WIPI2: variants seen among roughly 807,000 people sequenced by gnomAD.
WIPI2 encodes the protein WD repeat domain, phosphoinositide interacting 2.
In WIPI2, 28 loss-of-function variants were observed where a neutral mutation model predicts 52.3. That is an observed-to-expected ratio of 0.54 (90% CI 0.40 to 0.73). The LOEUF is 0.73. WIPI2 is among the 30% of genes least tolerant of loss of function. WIPI2 has a pLI of 0.00. For synonymous variants in WIPI2, 268 were observed against 245.0 expected (o/e 1.09, Z -0.88); for missense variants, 506 against 602.9 (o/e 0.84, Z 1.68).
chr7:5,227,404 C>G lies in WIPI2; in HGVS notation c.1013+60C>G. On this transcript the variant is annotated intron_variant, in intron 10 of 12. Transcript: ENST00000288828. The surrounding 1 kb of genome is among the most constrained non-coding windows in gnomAD (Gnocchi z 8.1). ...TGTGCCTCAGGCCGAGGGGCCCAGT[C>G]CTGGCGGCTTGTGGCCCCTTCCGTG... 2 of 1,582,242 alleles carry G rather than the reference C, an allele frequency of 1.3e-6. No homozygotes were observed. Among genetic ancestry groups the G allele is most frequent in the Non-Finnish European group, 1.7e-6 (2 of 1,167,542 alleles).
At position 5,232,394 on chromosome 7, in the gene WIPI2, C is replaced by T. The variant is rs371037715; in HGVS notation, c.*1447C>T. 44 of 398,322 alleles carry T rather than the reference C, an allele frequency of 1.1e-4. No individual in the cohort carries two copies. The highest frequency in any genetic ancestry group is 2.6e-4 in the South Asian group (2 of 7,582). 24.7% of individuals were successfully genotyped at this position (398,322 alleles called of 1,614,324 possible). ...TTTACGGCAAACTAAATGCAGGGGACGCTGGAGTCCGACTCACCTACACCG... is the reference window on the plus strand; with the variant it reads ...TTTACGGCAAACTAAATGCAGGGGATGCTGGAGTCCGACTCACCTACACCG... On this transcript the variant is annotated 3_prime_UTR_variant, in exon 13 of 13. Coordinates refer to ENST00000288828, the MANE Select transcript of WIPI2 (RefSeq NM_015610.4).
intron 5 of WIPI2, 92 bp downstream of exon 5, chr7:5,216,751 T>C (rs1782835116): frequency 8.1e-7 from 1 of 1,241,616 alleles, no homozygotes; most frequent in Admixed American, 2.2e-5. Flanking sequence ...TTTTATAGGT[T>C]CCGCAGATGA....
At chr7:5,214,113 G>C (rs1316808058) in intron 3 of WIPI2, 1 of 344,366 alleles carries the variant, frequency 2.9e-6, no homozygotes, top group African/African-American at 2.1e-5. Context: ...CAGTATGCGA[G>C]CACGTAGGCT....
chr7:5,199,561 T>C lies in WIPI2; in HGVS notation c.129-15T>C, dbSNP rs369602485. 90 of 1,601,710 alleles carry C rather than the reference T, an allele frequency of 5.6e-5. No individual in the cohort carries two copies. The highest frequency in any genetic ancestry group is 7.6e-5 in the Non-Finnish European group (90 of 1,176,666). ...CACGTATCAGCTCTTATTTCTGAAT[T>C]TGGCTTTTTTGCAGGTCCCTAGCTG... On this transcript the variant is annotated splice_polypyrimidine_tract_variant and intron_variant, in intron 2 of 12. Coordinates refer to ENST00000288828, the MANE Select transcript of WIPI2 (RefSeq NM_015610.4).
At chr7:5,217,896 A>C in intron 6 of WIPI2, 26 bp from the exon 7 acceptor site, 1 of 1,613,428 alleles carries the variant, frequency 6.2e-7, no homozygotes, top group Non-Finnish European at 8.5e-7. Flanking sequence ...TGCGGTGGCC[A>C]CTCTTTATTG....
At chr7:5,215,204 G>A (rs903159182) in intron 4 of WIPI2, among the ~76,000 whole-genome samples, 4 of 152,034 alleles carry the variant, frequency 2.6e-5, no homozygotes, top group Non-Finnish European at 4.4e-5. Context: ...CCGGCTACTC[G>A]GGAGGCTGAG....
intron 2 of WIPI2, 65 bp from the exon 3 acceptor site, chr7:5,199,511 C>CT: frequency 6.9e-7 from 1 of 1,450,380 alleles, no homozygotes; most frequent in East Asian, 2.3e-5. Flanking sequence ...AACGTGGGAG[C>CT]TGGTTTCTAC....
chr7:5,214,301 G>C (rs367606701), intron 3 of WIPI2: 2 of 1,520,880 alleles, frequency 1.3e-6, no homozygotes, highest in South Asian at 2.4e-5. Flanking sequence ...TTTGTCTTTC[G>C]TGTGAATGCT....
intron 2 of WIPI2, among the ~76,000 whole-genome samples, chr7:5,194,468 C>T (rs28625736): frequency 1.3e-3 from 192 of 152,280 alleles, no homozygotes; most frequent in African/African-American, 4.2e-3. Flanking sequence ...TTTTGAGTGG[C>T]AGTCACTGTC....
chr7:5,191,997 G>A (rs6463311), intron 1 of WIPI2, among the ~76,000 whole-genome samples: 125,767 of 152,094 alleles, frequency 0.83, 52,558 homozygotes, highest in East Asian at 0.95. Context: ...AGCGGGGGCA[G>A]GAGTGGAATC....
chr7:5,220,744 G>A (rs1783080210), intron 7 of WIPI2, among the ~76,000 whole-genome samples: 1 of 151,978 alleles, frequency 6.6e-6, no homozygotes, highest in Admixed American at 6.6e-5. Flanking sequence ...CCCAAGTGCT[G>A]GGATTACAGG....
At chr7:5,200,915 C>T (rs1422821079) in intron 3 of WIPI2, among the ~76,000 whole-genome samples, 3 of 152,248 alleles carry the variant, frequency 2.0e-5, no homozygotes, top group African/African-American at 7.2e-5. Flanking sequence ...GTCCCTGACT[C>T]ATGGCTCCTG....
chr7:5,203,447 G>A (rs528026987), intron 3 of WIPI2, among the ~76,000 whole-genome samples: 86 of 152,178 alleles, frequency 5.7e-4, no homozygotes, highest in African/African-American at 1.7e-3. Context: ...AACCACGCCA[G>A]CAGAAGCAAA....
chr7:5,207,035 A>G (rs561093691), intron 3 of WIPI2, among the ~76,000 whole-genome samples: 21 of 152,252 alleles, frequency 1.4e-4, no homozygotes, highest in African/African-American at 4.8e-4. Context: ...TCAGCCTCCC[A>G]GAGTGCTGAG....
intron 3 of WIPI2, among the ~76,000 whole-genome samples, chr7:5,201,962 A>G (rs998139583): frequency 4.0e-5 from 6 of 151,550 alleles, no homozygotes; most frequent in African/African-American, 1.5e-4. Flanking sequence ...TTTTTTTAGT[A>G]GATAAGAGAA....
intron 3 of WIPI2, among the ~76,000 whole-genome samples, chr7:5,202,097 T>C (rs927065630): frequency 1.3e-5 from 2 of 152,196 alleles, no homozygotes; most frequent in Non-Finnish European, 2.9e-5. Context: ...GGCTCAGTAT[T>C]GACGTCTACC....
At chr7:5,223,401 C>A (rs916527107) in intron 8 of WIPI2, among the ~76,000 whole-genome samples, 2 of 152,200 alleles carry the variant, frequency 1.3e-5, no homozygotes, top group Admixed American at 6.5e-5. Flanking sequence ...CGGGGACTCT[C>A]CCGCCATCTG....
At chr7:5,224,535 AGTCT>A (rs1783325918) in intron 8 of WIPI2, among the ~76,000 whole-genome samples, 1 of 152,184 alleles carries the variant, frequency 6.6e-6, no homozygotes, top group Non-Finnish European at 1.5e-5. Flanking sequence ...TACTCAAATC[AGTCT>A]GTCTGAGCAT....
intron 2 of WIPI2, among the ~76,000 whole-genome samples, chr7:5,198,395 C>A (rs1781856428): frequency 6.6e-6 from 1 of 151,974 alleles, no homozygotes; most frequent in South Asian, 2.1e-4. Context: ...CTCACTGCAG[C>A]CACCTCCTCC....
Sources: allele counts gnomAD v4.1 joint callset (sites outside exome capture counted in the v4.1 genomes callset), GRCh38; gene constraint gnomAD v4.1.1; non-coding constraint Gnocchi (gnomAD v3.1); transcripts MANE v1.5; gene names NCBI Gene and HGNC (gene_info 2026-07-23, HGNC 2026-07-21).